Variants in IFI16 observed in about 807,000 individuals in gnomAD.
The protein encoded by IFI16 is interferon gamma inducible protein 16, also known as gamma-interferon-inducible protein 16.
In IFI16, 49 loss-of-function variants were observed where a neutral mutation model predicts 68.4. The ratio of observed to expected loss-of-function variants is 0.72; its 90% CI spans 0.57 to 0.91. The LOEUF is 0.91. Ranked by LOEUF, IFI16 falls within the 40% of genes least tolerant of loss-of-function variation. The pLI is 0.00. For synonymous variants in IFI16, 307 were observed against 315.0 expected, an observed-to-expected ratio of 0.97 and a Z score of 0.27; for missense variants, 878 against 942.9, an observed-to-expected ratio of 0.93 and a Z score of 0.90.
rs150215805 is a variant in IFI16, at chr1:159,047,183, G to A, written c.1497+1719G>A. 2.5e-3 allele frequency among the ~76,000 whole-genome samples: 382 copies of A among 151,248 alleles called. 10 individuals carry two copies. Among genetic ancestry groups the A allele is most frequent in the African/African-American group, 8.2e-3 (340 of 41,344 alleles). On this transcript the variant is annotated intron_variant, in intron 8 of 11. Transcript: ENST00000295809. ...CTCACCCAAGCCCCAAGCTACCCCC[G>A]GCCCAGGTTGCGGACCCGAGCACCA...
At chr1:159,052,815 C>G (rs144790475) in intron 10 of IFI16, 7 of 152,064 alleles carry the variant, frequency 4.6e-5, no homozygotes, top group Admixed American at 4.6e-4. Context: ...CTTTCAGTCT[C>G]TACACATCAT....
chr1:159,002,881 C>A (rs116646075), upstream of IFI16, among the ~76,000 whole-genome samples: 1,747 of 152,274 alleles, frequency 0.011, 33 homozygotes, highest in African/African-American at 0.04. Context: ...TACTCAAGAG[C>A]CAGAGTTACC....
chr1:159,007,936 C>T (rs1478752604), upstream of IFI16, among the ~76,000 whole-genome samples: 1 of 152,172 alleles, frequency 6.6e-6, no homozygotes, highest in Non-Finnish European at 1.5e-5. Context: ...CAGTCTATTG[C>T]ATCATGAAAA....
chr1:159,045,885 A>AT (rs1654952273), intron 8 of IFI16, among the ~76,000 whole-genome samples: 1 of 151,220 alleles, frequency 6.6e-6, no homozygotes, highest in African/African-American at 2.4e-5. Context: ...AAAATAATTA[A>AT]TTTTTAACTA....
upstream of IFI16, among the ~76,000 whole-genome samples, chr1:159,002,677 G>A (rs1488598046): frequency 1.3e-5 from 2 of 152,184 alleles, no homozygotes; most frequent in Admixed American, 1.3e-4. Flanking sequence ...TGGCCAGCCT[G>A]CTGAAATAGA....
chr1:159,006,681 GA>G (rs1652273217), upstream of IFI16, among the ~76,000 whole-genome samples: 1 of 152,154 alleles, frequency 6.6e-6, no homozygotes, highest in South Asian at 2.1e-4. Context: ...TGATTAAAGA[GA>G]CAAGCAGGAC....
chr1:159,015,782 A>C, intron 2 of IFI16, 90 bp from the exon 3 acceptor site: 1 of 939,480 alleles, frequency 1.1e-6, no homozygotes, highest in Non-Finnish European at 1.7e-6. Context: ...CTGAGAGCAA[A>C]TTGTATTGAA....
chr1:159,047,711 T>A (rs561031381), intron 8 of IFI16, among the ~76,000 whole-genome samples: 24 of 148,394 alleles, frequency 1.6e-4, no homozygotes, highest in African/African-American at 5.6e-4. Context: ...CAGTCTGTGA[T>A]TCGCAACGTA....
chr1:159,023,964 A>C (rs187021709), intron 6 of IFI16, among the ~76,000 whole-genome samples: 1 of 152,358 alleles, frequency 6.6e-6, no homozygotes, highest in East Asian at 1.9e-4. Context: ...AGAGCTCAGC[A>C]TGATGGATTA....
intron 1 of IFI16, among the ~76,000 whole-genome samples, chr1:159,013,622 T>C (rs188292815): frequency 4.6e-5 from 7 of 152,240 alleles, no homozygotes; most frequent in African/African-American, 1.4e-4. Flanking sequence ...GCAGTGACAC[T>C]CTGTCCATAG....
chr1:159,053,524 C>T lies in IFI16; in HGVS notation c.2086-9C>T. 6.4e-7 allele frequency: 1 copy of T among 1,564,512 alleles called. No homozygotes were observed. Among genetic ancestry groups the T allele is most frequent in the Non-Finnish European group, 8.8e-7 (1 of 1,139,696 alleles). ...GTTTCAGAAGATAAGTGTTAATTTTCTTTTGCAGAAAAATGTAAGGGGTGA... is the reference window on the plus strand; with the variant it reads ...GTTTCAGAAGATAAGTGTTAATTTTTTTTTGCAGAAAAATGTAAGGGGTGA... On this transcript the variant is annotated splice_polypyrimidine_tract_variant and intron_variant, in intron 10 of 11. Coordinates refer to ENST00000295809, the MANE Select transcript of IFI16 (RefSeq NM_001376587.1).
upstream of IFI16, chr1:159,009,760 A>G (rs1428133113): frequency 6.6e-6 from 1 of 152,210 alleles, no homozygotes; most frequent in Non-Finnish European, 1.5e-5. Context: ...AAAAATGTTA[A>G]CTGTACCCAT....
rs747906601 is a variant in IFI16, at chr1:159,049,499, A to G, written c.1565A>G (p.His522Arg). 1.8e-5 allele frequency: 28 copies of G among 1,590,478 alleles called. No individual in the cohort carries two copies. Among genetic ancestry groups the G allele is most frequent in the Middle Eastern group, 1.7e-4 (1 of 5,944 alleles). Residue 522 changes from histidine (H) to arginine (R), a missense_variant, in exon 9 of 12, where the codon CAT becomes CGT. Physicochemically the swap from His to Arg is conservative, Grantham distance 29 (BLOSUM62 0). Coordinates refer to ENST00000295809, the MANE Select transcript of IFI16 (RefSeq NM_001376587.1). Reference sequence around the variant, plus strand: ...ATGCAGATACTGAAGGAAGGGAGTCATTTTCCAGGACCGTTCATGACCAGC... The same window carrying G: ...ATGCAGATACTGAAGGAAGGGAGTCGTTTTCCAGGACCGTTCATGACCAGC... The part of the protein sequence containing the change: ...MRMQILKEGS[H>R]FPGPFMTSIG...
chr1:159,020,844 G>A (rs1653265684), intron 6 of IFI16, among the ~76,000 whole-genome samples: 6 of 52,710 alleles, frequency 1.1e-4, no homozygotes, highest in South Asian at 1.9e-3. Flanking sequence ...ATTAGAAAAC[G>A]TCGTGTGTGT....
intron 1 of IFI16, among the ~76,000 whole-genome samples, chr1:159,010,952 A>G (rs1320553535): frequency 2.0e-5 from 3 of 152,210 alleles, no homozygotes; most frequent in Admixed American, 6.5e-5. Flanking sequence ...GGAATGTGAG[A>G]TTCTTAAATG....
chr1:159,049,662 AC>A (rs1655221154), intron 9 of IFI16, 63 bp downstream of exon 9: 2 of 1,596,636 alleles, frequency 1.3e-6, no homozygotes, highest in Non-Finnish European at 1.7e-6. Context: ...GATTAACACA[AC>A]CGTGAAAGCA....
rs751658150 is a variant in IFI16 at position 159,049,614 on chromosome 1, T to C, written c.1665+15T>C. Reference sequence around the variant, plus strand: ...TCTTAACCACGGTACAAGTTCCCTCTTCCCAATACATTCCCCTCGCTACTA... The same window carrying C: ...TCTTAACCACGGTACAAGTTCCCTCCTCCCAATACATTCCCCTCGCTACTA... On this transcript the variant is annotated intron_variant, in intron 9 of 11. Transcript: ENST00000295809. The C allele has an allele frequency of 1.2e-6, 2 of 1,611,764 alleles. No homozygotes were observed. The highest frequency in any genetic ancestry group is 8.5e-7 in the Non-Finnish European group (1 of 1,179,146).
At chr1:159,050,923 G>T (rs973423267) in intron 9 of IFI16, among the ~76,000 whole-genome samples, 13 of 152,120 alleles carry the variant, frequency 8.5e-5, no homozygotes, top group African/African-American at 3.1e-4. Context: ...ATTAGAAAGG[G>T]CTTTGCAATT....
rs1652939092 is a variant in IFI16, at chr1:159,016,561, C to T, written c.410C>T (p.Ala137Val). Residue 137 changes from alanine (A) to valine (V), a missense_variant, in exon 4 of 12, where the codon GCT (alanine) becomes GTT (valine). Coordinates refer to ENST00000295809, the MANE Select transcript of IFI16 (RefSeq NM_001376587.1). ...QKRKKSTKEK[A>V]GPKGSKVSEE... ...AGAAAAAAATCAACCAAAGAAAAGG[C>T]TGGACCCAAAGGGAGTAAGGTGTCC... is the stretch of plus-strand genomic sequence containing the variant. The T allele has an allele frequency of 1.2e-6, 2 of 1,610,894 alleles. No individual in the cohort carries two copies. The highest frequency in any genetic ancestry group is 1.7e-6 in the Non-Finnish European group (2 of 1,179,170).
Sources: allele counts gnomAD v4.1 joint callset (sites outside exome capture counted in the v4.1 genomes callset), GRCh38; gene constraint gnomAD v4.1.1; transcripts MANE v1.5; gene names NCBI Gene and HGNC (gene_info 2026-07-23, HGNC 2026-07-21).